The following ZNF892 variants were observed in gnomAD, a reference collection of about 807,000 sequenced individuals.
The protein encoded by ZNF892 is zinc finger protein 892, also known as zinc finger protein 570-like.
chr2:95,223,103 C>A, the ZNF892 span, among the ~76,000 whole-genome samples: 1 of 152,168 alleles, frequency 6.6e-6, no homozygotes, highest in Admixed American at 6.5e-5. Context: ...ATCTATGTGT[C>A]CATCCCTTTG....
At chr2:95,206,899 G>A in the ZNF892 span, among the ~76,000 whole-genome samples, 1 of 152,156 alleles carries the variant, frequency 6.6e-6, no homozygotes, top group Non-Finnish European at 1.5e-5. Flanking sequence ...TGATTAAAGA[G>A]ACAAGCAGGA....
At chr2:95,236,101 G>A in the ZNF892 span, among the ~76,000 whole-genome samples, 2 of 152,166 alleles carry the variant, frequency 1.3e-5, no homozygotes, top group Admixed American at 6.5e-5. Context: ...CTGATTCCAC[G>A]AAGTCACCTC....
the ZNF892 span, among the ~76,000 whole-genome samples, chr2:95,207,999 C>T: frequency 6.6e-6 from 1 of 152,212 alleles, no homozygotes; most frequent in South Asian, 2.1e-4. Context: ...CTTCCATTGC[C>T]CTCCTGGTCT....
the ZNF892 span, among the ~76,000 whole-genome samples, chr2:95,245,743 T>C: frequency 6.6e-6 from 1 of 152,056 alleles, no homozygotes; most frequent in Non-Finnish European, 1.5e-5. Context: ...AACAGTTCTA[T>C]GCACATAAAC....
the ZNF892 span, among the ~76,000 whole-genome samples, chr2:95,227,985 T>C: frequency 2.0e-4 from 30 of 152,298 alleles, no homozygotes; most frequent in East Asian, 5.4e-3. Flanking sequence ...TAACACACAG[T>C]TAGTTTAAAT....
At chr2:95,253,101 T>C in the ZNF892 span, among the ~76,000 whole-genome samples, 9 of 152,262 alleles carry the variant, frequency 5.9e-5, no homozygotes, top group Non-Finnish European at 1.5e-5. Flanking sequence ...TTAGATCCCA[T>C]TTGTCAACTT....
chr2:95,245,782 A>G, the ZNF892 span, among the ~76,000 whole-genome samples: 1 of 152,064 alleles, frequency 6.6e-6, no homozygotes, highest in African/African-American at 2.4e-5. Flanking sequence ...TGAATAAAAT[A>G]CTGGACACAT....
chr2:95,240,205 T>C, the ZNF892 span, among the ~76,000 whole-genome samples: 4 of 151,978 alleles, frequency 2.6e-5, no homozygotes, highest in Non-Finnish European at 5.9e-5. Flanking sequence ...GCAGCACTCA[T>C]GGAGAGGAAT....
At chr2:95,260,788 G>A in the ZNF892 span, among the ~76,000 whole-genome samples, 1 of 152,208 alleles carries the variant, frequency 6.6e-6, no homozygotes, top group Admixed American at 6.5e-5. Context: ...CTCAGGAAGT[G>A]CCTGCTTCCT....
At chr2:95,228,794 A>C in the ZNF892 span, among the ~76,000 whole-genome samples, 3 of 152,152 alleles carry the variant, frequency 2.0e-5, no homozygotes, top group Non-Finnish European at 4.4e-5. Flanking sequence ...TTGTGAAAGG[A>C]AAATATCTTG....
the ZNF892 span, among the ~76,000 whole-genome samples, chr2:95,242,804 A>C: frequency 1.3e-5 from 2 of 152,120 alleles, no homozygotes; most frequent in African/African-American, 4.8e-5. Context: ...AAAATTTACC[A>C]AACCTGGAGT....
the ZNF892 span, among the ~76,000 whole-genome samples, chr2:95,227,388 A>G: frequency 2.0e-5 from 3 of 151,926 alleles, no homozygotes; most frequent in East Asian, 1.9e-4. Context: ...CAGTGGCGCA[A>G]TCATGGCTCA....
At chr2:95,232,739 C>T in the ZNF892 span, among the ~76,000 whole-genome samples, 2 of 35,020 alleles carry the variant, frequency 5.7e-5, no homozygotes, top group African/African-American at 3.2e-4. Context: ...ATTTTATCAT[C>T]GTTACTTAGC....
At chr2:95,234,592 G>T in the ZNF892 span, among the ~76,000 whole-genome samples, 1 of 152,208 alleles carries the variant, frequency 6.6e-6, no homozygotes, top group African/African-American at 2.4e-5. Context: ...TCCAATGAGG[G>T]TTCCATAAAA....
At chr2:95,212,739 T>A in the ZNF892 span, among the ~76,000 whole-genome samples, 1 of 152,200 alleles carries the variant, frequency 6.6e-6, no homozygotes, top group Non-Finnish European at 1.5e-5. Flanking sequence ...TAAGCTTCCT[T>A]GGTTTAAAGC....
At chr2:95,222,680 C>T in the ZNF892 span, among the ~76,000 whole-genome samples, 1 of 152,146 alleles carries the variant, frequency 6.6e-6, no homozygotes, top group South Asian at 2.1e-4. Flanking sequence ...GTTTGTTTTC[C>T]TAGTTTAGTT....
the ZNF892 span, among the ~76,000 whole-genome samples, chr2:95,221,841 T>C: frequency 6.6e-6 from 1 of 152,180 alleles, no homozygotes; most frequent in South Asian, 2.1e-4. Flanking sequence ...TTAAAGGTGT[T>C]TGCTATGTTT....
chr2:95,207,672 G>A, the ZNF892 span: 1 of 396,652 alleles, frequency 2.5e-6, no homozygotes, highest in Non-Finnish European at 4.4e-6. Flanking sequence ...GTGTCCGGGA[G>A]GAGGGTGGCG....
the ZNF892 span, among the ~76,000 whole-genome samples, chr2:95,234,160 T>C: frequency 6.6e-6 from 1 of 152,146 alleles, no homozygotes; most frequent in African/African-American, 2.4e-5. Flanking sequence ...GTGAAATATG[T>C]GTGTCTTATT....
Sources: allele counts gnomAD v4.1 joint callset (sites outside exome capture counted in the v4.1 genomes callset), GRCh38; gene constraint gnomAD v4.1.1; transcripts MANE v1.5; gene names NCBI Gene and HGNC (gene_info 2026-07-23, HGNC 2026-07-21).